Variants in CIITA observed in about 807,000 individuals in gnomAD.
CIITA encodes the protein MHC class II transactivator.
In CIITA, 72 loss-of-function variants were observed where a neutral mutation model predicts 115.1. That is an observed-to-expected ratio of 0.63 (90% CI 0.52 to 0.76). CIITA has a LOEUF of 0.76. Among genes scored for constraint, CIITA ranks in the 30% least tolerant of loss-of-function variants. The probability of loss-of-function intolerance (pLI) is 0.00; values close to 1 mark genes in which losing one functional copy is unlikely to be tolerated. For missense variants in CIITA, 1,617 were observed against 1,463.8 expected, an observed-to-expected ratio of 1.10 and a Z score of -1.71; for synonymous variants, 763 against 635.6, an observed-to-expected ratio of 1.20 and a Z score of -3.02.
At chr16:10,915,030 T>G (rs1382338748) in intron 13 of CIITA, 1 of 456,290 alleles carries the variant, frequency 2.2e-6, no homozygotes, top group Non-Finnish European at 4.4e-6. Context: ...GGAGCCCAAC[T>G]TACCTCTTTT....
Position 10,906,904 on chromosome 16 carries a change from C to A in CIITA, c.1412C>A (p.Ser471Tyr). Reference protein sequence around the residue: ...DAYGLQDLLFSLGPQPLVAAD... With the variant: ...DAYGLQDLLFYLGPQPLVAAD... ...TATGGCCTGCAGGATCTGCTCTTCTCCCTGGGCCCACAGCCACTCGTGGCG... is the reference window on the plus strand; with the variant it reads ...TATGGCCTGCAGGATCTGCTCTTCTACCTGGGCCCACAGCCACTCGTGGCG... Residue 471 changes from serine to tyrosine, a missense_variant, in exon 11 of 20, where the codon TCC (serine) becomes TAC (tyrosine). By Grantham distance (144) the Ser-to-Tyr change is moderately radical. Transcript: ENST00000324288. The A allele has an allele frequency of 6.2e-7, 1 of 1,613,522 alleles. No individual in the cohort carries two copies. The highest frequency in any genetic ancestry group is 8.5e-7 in the Non-Finnish European group (1 of 1,180,032).
intron 1 of CIITA, among the ~76,000 whole-genome samples, chr16:10,866,878 T>G (rs1197435841): frequency 1.3e-5 from 2 of 152,164 alleles, no homozygotes; most frequent in African/African-American, 2.4e-5. Flanking sequence ...GATGGACAGA[T>G]CAGCTCCTGC....
intron 1 of CIITA, among the ~76,000 whole-genome samples, chr16:10,887,143 G>T (rs1418550672): frequency 6.6e-6 from 1 of 152,134 alleles, no homozygotes; most frequent in Non-Finnish European, 1.5e-5. Flanking sequence ...AGCTGTTTGG[G>T]GTCTGGTCAT....
chr16:10,885,593 T>C (rs1439671805), intron 1 of CIITA, among the ~76,000 whole-genome samples: 1 of 152,174 alleles, frequency 6.6e-6, no homozygotes, highest in African/African-American at 2.4e-5. Context: ...CTACACTTGG[T>C]TTGCAAACAG....
At position 10,901,438 on chromosome 16, in the gene CIITA, C is replaced by T; in HGVS notation, c.437-76C>T. 4 of 1,511,834 alleles carry T rather than the reference C, an allele frequency of 2.6e-6. No homozygotes were observed. Among genetic ancestry groups the T allele is most frequent in the Non-Finnish European group, 3.7e-6 (4 of 1,088,676 alleles). 93.7% of individuals were successfully genotyped at this position (1,511,834 alleles called of 1,614,324 possible). On this transcript the variant is annotated intron_variant, in intron 5 of 19. Transcript: ENST00000324288. The surrounding 1 kb of genome is among the most constrained non-coding windows in gnomAD (Gnocchi z 6.8). ...CAGCCTTGAAGTTAAGGCCGTATAG[C>T]CTGCTAGAGTCCTGAGCCCCTTCTG... is the stretch of plus-strand genomic sequence containing the variant.
In CIITA at chr16:10,907,393, C is replaced by T. The variant is rs2039243635; in HGVS notation, c.1901C>T (p.Pro634Leu). 6.2e-7 allele frequency: 1 copy of T among 1,613,178 alleles called. No homozygotes were observed. Among genetic ancestry groups the T allele is most frequent in the Non-Finnish European group, 8.5e-7 (1 of 1,179,944 alleles). ...GAGCTTGGGGAGGACGCCAAGCTGC[C>T]CTCCACGCTCACGGGACTCTATGTC... ...LLELGEDAKL[P>L]STLTGLYVGL... The change falls in exon 11 of 20, where the codon CCC becomes CTC. Residue 634 changes from proline (P) to leucine (L), a missense_variant. Transcript: ENST00000324288. This position sits in a 1 kb window ranked among gnomAD's most constrained non-coding sequence, Gnocchi z 5.0.
rs751115130 is a variant in CIITA at position 10,906,914 on chromosome 16, A to G, written c.1422A>G (p.Pro474=). 3.1e-6 allele frequency: 5 copies of G among 1,613,334 alleles called. No individual in the cohort carries two copies. The African/African-American group carries it at 5.3e-5, about 17-fold the overall frequency. ...AGGATCTGCTCTTCTCCCTGGGCCC[A>G]CAGCCACTCGTGGCGGCCGATGAGG... ...GLQDLLFSLG[P]QPLVAADEVF... is the part of the protein sequence containing the mutation. Residue 474 remains proline (P), a synonymous_variant, in exon 11 of 20, where the codon CCA becomes CCG. Transcript: ENST00000324288.
intron 1 of CIITA, among the ~76,000 whole-genome samples, chr16:10,866,754 C>T (rs1017527269): frequency 4.6e-5 from 7 of 152,180 alleles, no homozygotes; most frequent in Admixed American, 2.6e-4. Flanking sequence ...TGTGCTGGAG[C>T]GAACGGCGTG....
intron 18 of CIITA, 101 bp downstream of exon 18, chr16:10,922,591 C>A: frequency 8.4e-7 from 1 of 1,185,064 alleles, no homozygotes; most frequent in Non-Finnish European, 1.2e-6. Flanking sequence ...CTTCACCAAT[C>A]TGCAACCCTG....
chr16:10,878,477 GT>G, intron 1 of CIITA, among the ~76,000 whole-genome samples: 1 of 152,322 alleles, frequency 6.6e-6, no homozygotes, highest in Middle Eastern at 3.4e-3. Flanking sequence ...TGTGGTCATG[GT>G]AACACAGGTT....
intron 1 of CIITA, among the ~76,000 whole-genome samples, chr16:10,878,028 C>T (rs2036011741): frequency 6.6e-6 from 1 of 152,130 alleles, no homozygotes; most frequent in Non-Finnish European, 1.5e-5. Context: ...ATTCTCGAGT[C>T]AATTTTCCTG....
Position 10,879,444 on chromosome 16 carries a change from C to A in CIITA, c.52+2062C>A, listed in dbSNP as rs1045833420. Among the ~76,000 whole-genome samples, 1 of 152,184 alleles carries A rather than the reference C, an allele frequency of 6.6e-6. No individual in the cohort carries two copies. Among genetic ancestry groups the A allele is most frequent in the African/African-American group, 2.4e-5 (1 of 41,440 alleles). ...TGTACGCCAGACTTTGGACCAGGGC[C>A]GCCGTTCCCTGAGCTTCACTTTCCC... On this transcript the variant is annotated intron_variant, in intron 1 of 19. Coordinates refer to ENST00000324288, the MANE Select transcript of CIITA (RefSeq NM_000246.4). The surrounding 1 kb of genome is among the most constrained non-coding windows in gnomAD (Gnocchi z 4.3).
chr16:10,924,116 C>G lies in CIITA; in HGVS notation c.*261C>G, dbSNP rs45447897. On this transcript the variant is annotated 3_prime_UTR_variant, in exon 20 of 20. Transcript: ENST00000324288. ...GATGCCTGGTGGCAGCTGCGGTCCACCCAGGAGCCCCGAGGCCTTCTCTGA... is the reference window on the plus strand; with the variant it reads ...GATGCCTGGTGGCAGCTGCGGTCCAGCCAGGAGCCCCGAGGCCTTCTCTGA... 6.6e-6 allele frequency: 1 copy of G among 152,458 alleles called. No homozygotes were observed. Among genetic ancestry groups the G allele is most frequent in the East Asian group, 1.9e-4 (1 of 5,210 alleles). The allele number at this position is 152,458 out of a possible 1,614,324, so 9.4% of individuals were successfully genotyped here.
At chr16:10,914,130 G>A (rs183880716) in intron 13 of CIITA, among the ~76,000 whole-genome samples, 17 of 152,176 alleles carry the variant, frequency 1.1e-4, no homozygotes, top group African/African-American at 3.4e-4. Context: ...AGGGATTTTC[G>A]TCTGTTTGGC....
At position 10,933,892 on chromosome 16, in the gene CIITA, G is replaced by T. The variant is rs1161651164; in HGVS notation, c.*10037G>T. The T allele has an allele frequency of 2.6e-5, 4 of 152,230 alleles. No individual in the cohort carries two copies. The highest frequency in any genetic ancestry group is 2.1e-4 in the South Asian group (1 of 4,830). The allele number at this position is 152,230 out of a possible 1,614,324, so 9.4% of individuals were successfully genotyped here. A position where few individuals can be genotyped will look rare whatever the true frequency, so the allele number is the denominator to read the frequency against. On this transcript the variant is annotated 3_prime_UTR_variant, in exon 20 of 20. Transcript: ENST00000324288. ...TGGTGACAGGCTATGTGGCAGGAGG[G>T]TCTCTACCTTATCTCAGAATGAAGG...
At chr16:10,918,866 G>A (rs990062808) in intron 16 of CIITA, among the ~76,000 whole-genome samples, 4 of 152,218 alleles carry the variant, frequency 2.6e-5, no homozygotes, top group Non-Finnish European at 4.4e-5. Flanking sequence ...GCTTCTGGAA[G>A]GCTAACCACG....
intron 1 of CIITA, among the ~76,000 whole-genome samples, chr16:10,870,877 T>C (rs1201295195): frequency 6.6e-6 from 1 of 152,244 alleles, no homozygotes; most frequent in Non-Finnish European, 1.5e-5. Flanking sequence ...AGGAAGAAGA[T>C]AAACCAGGGG....
At chr16:10,872,927 A>G (rs1003909181), upstream of CIITA, among the ~76,000 whole-genome samples, 5 of 152,212 alleles carry the variant, frequency 3.3e-5, no homozygotes, top group South Asian at 2.1e-4. Context: ...CTAAAACTCC[A>G]TTCATTCCTT....
At chr16:10,873,012 G>A (rs914040076), upstream of CIITA, among the ~76,000 whole-genome samples, 6 of 151,934 alleles carry the variant, frequency 3.9e-5, no homozygotes, top group East Asian at 1.9e-4. Flanking sequence ...TTGCTCTGTC[G>A]CCAAGGCTGG....
Sources: gnomAD v4.1 joint callset for allele counts (sites outside exome capture counted in the v4.1 genomes callset) on GRCh38, gnomAD v4.1.1 for gene constraint, Gnocchi (gnomAD v3.1) non-coding constraint, MANE v1.5 for transcripts, NCBI Gene and HGNC (gene_info 2026-07-23, HGNC 2026-07-21) for gene names.